The following DNAI4 variants were observed in gnomAD, a reference collection of about 807,000 sequenced individuals.
DNAI4 encodes WD repeat domain 78.
A neutral mutation model predicts 105.8 loss-of-function variants in DNAI4; 85 were observed. The observed-to-expected ratio is 0.80, with a 90% CI of 0.67 to 0.96. DNAI4 has a LOEUF of 0.96. Ranked by LOEUF, DNAI4 falls within the 40% of genes least tolerant of loss-of-function variation. The probability of loss-of-function intolerance (pLI) is 0.00; values close to 1 mark genes in which losing one functional copy is unlikely to be tolerated. For synonymous variants in DNAI4, 352 were observed against 331.5 expected (o/e 1.06, Z -0.67); for missense variants, 1,014 against 1,005.6 (o/e 1.01, Z -0.11).
Position 66,835,829 on chromosome 1 carries a change from G to A in DNAI4, c.1582-52C>T. 3 of 1,541,768 alleles carry A rather than the reference G, an allele frequency of 1.9e-6. No homozygotes were observed. The South Asian group carries it at 3.4e-5, about 17-fold the overall frequency. ...ATTTGTTTTTGTAGACCACAGTAAG[G>A]CAGAATATAATGGTGGCTGAGATTT... On this transcript the variant is annotated intron_variant, in intron 10 of 16. Transcript: ENST00000371026.
intron 8 of DNAI4, among the ~76,000 whole-genome samples, chr1:66,842,191 G>A (rs1271439174): frequency 6.6e-6 from 1 of 152,106 alleles, no homozygotes; most frequent in Non-Finnish European, 1.5e-5. Flanking sequence ...TCCATTGTCT[G>A]GATGTATCAT....
intron 4 of DNAI4, among the ~76,000 whole-genome samples, chr1:66,885,451 G>T (rs186108322): frequency 2.0e-5 from 3 of 152,234 alleles, no homozygotes; most frequent in Admixed American, 1.3e-4. Context: ...AATTTTTCTG[G>T]ATATAGAATT....
At chr1:66,840,355 T>C in intron 9 of DNAI4, 114 bp downstream of exon 9, 1 of 973,236 alleles carries the variant, frequency 1.0e-6, no homozygotes, top group Non-Finnish European at 1.5e-6. Flanking sequence ...CTCAAAGTTA[T>C]GGTCAATTTA....
chr1:66,842,335 A>G (rs952099120), intron 8 of DNAI4, among the ~76,000 whole-genome samples: 5 of 152,154 alleles, frequency 3.3e-5, no homozygotes, highest in Non-Finnish European at 7.4e-5. Flanking sequence ...TAGTTAATCA[A>G]CAGGAGTGAT....
chr1:66,889,273 G>T (rs1647390177), intron 4 of DNAI4, among the ~76,000 whole-genome samples: 1 of 152,170 alleles, frequency 6.6e-6, no homozygotes, highest in Admixed American at 6.5e-5. Context: ...AAGCGGAATG[G>T]CTTCTGGGAA....
At chr1:66,857,241 A>G (rs1318349404) in intron 7 of DNAI4, among the ~76,000 whole-genome samples, 1 of 150,354 alleles carries the variant, frequency 6.7e-6, no homozygotes, top group Non-Finnish European at 1.5e-5. Context: ...CAAGGAGAAA[A>G]AACCAAACAC....
rs182913774 is a variant in DNAI4, at chr1:66,816,418, T to C, written c.2497-2238A>G. 4.6e-3 allele frequency among the ~76,000 whole-genome samples: 700 copies of C among 152,204 alleles called. 6 individuals carry two copies. The highest frequency in any genetic ancestry group is 0.016 in the African/African-American group (658 of 41,548). On this transcript the variant is annotated intron_variant, in intron 16 of 16. Coordinates refer to ENST00000371026, the MANE Select transcript of DNAI4 (RefSeq NM_024763.5). ...AATGAAAAAATTATAGGTCATAATG[T>C]TACTTGACAAGATATCTTGGTAGGA...
intron 4 of DNAI4, among the ~76,000 whole-genome samples, chr1:66,888,405 C>T (rs367898093): frequency 6.6e-6 from 1 of 152,202 alleles, no homozygotes; most frequent in Admixed American, 6.5e-5. Context: ...TTGGAATTCA[C>T]CAGCAACGGC....
chr1:66,823,060 C>G (rs1645668085), intron 15 of DNAI4, among the ~76,000 whole-genome samples: 1 of 151,106 alleles, frequency 6.6e-6, no homozygotes, highest in South Asian at 2.1e-4. Context: ...CCTCCCCACT[C>G]CCCCCACCCC....
intron 13 of DNAI4, 42 bp from the exon 14 acceptor site, chr1:66,827,952 T>C: frequency 8.0e-7 from 1 of 1,252,906 alleles, no homozygotes; most frequent in Non-Finnish European, 1.1e-6. Context: ...TGTGATACAT[T>C]AGTAAGTGTG....
chr1:66,833,610 C>A lies in DNAI4; in HGVS notation c.1988G>T (p.Gly663Val). 6.2e-7 allele frequency: 1 copy of A among 1,613,336 alleles called. No homozygotes were observed. Among genetic ancestry groups the A allele is most frequent in the Non-Finnish European group, 8.5e-7 (1 of 1,179,548 alleles). Residue 663 changes from glycine (G) to valine (V), a missense_variant, in exon 13 of 17, where the codon GGA becomes GTA. By Grantham distance (109) the Gly-to-Val change is moderately radical. Coordinates refer to ENST00000371026, the MANE Select transcript of DNAI4 (RefSeq NM_024763.5). ...CTTGGGATGAAAAGCAAAACACATT[C>A]CAGGAGCCTGTCGAGATATCAAAGC... ...DEALISRQAP[G>V]MCFAFHPKDT...
rs1645451185 is a variant in DNAI4 at position 66,813,241 on chromosome 1, T to C, written c.*889A>G. 1 of 152,322 alleles carries C rather than the reference T, an allele frequency of 6.6e-6. No homozygotes were observed. Among genetic ancestry groups the C allele is most frequent in the Admixed American group, 6.6e-5 (1 of 15,264 alleles). The allele number at this position is 152,322 out of a possible 1,614,324, so 9.4% of individuals were successfully genotyped here. ...TTAGAATGCTTTATAGAACAGCCCATCATGTCCTGTGGCCTCAGTTTAACC... is the reference window on the plus strand; with the variant it reads ...TTAGAATGCTTTATAGAACAGCCCACCATGTCCTGTGGCCTCAGTTTAACC... On this transcript the variant is annotated 3_prime_UTR_variant, in exon 17 of 17. Transcript: ENST00000371026.
At position 66,891,206 on chromosome 1, in the gene DNAI4, T is replaced by G. The variant is rs746358284; in HGVS notation, c.591A>C (p.Ala197=). ...KSSVSASESI[A]EDLEEPSYKR... is the part of the protein sequence containing the mutation. ...TATAGGATGGTTCTTCCAGGTCTTC[T>G]GCTATTGATTCACTTGCTGATACAC... The change falls in exon 4 of 17, where the codon GCA becomes GCC. Residue 197 remains alanine, a synonymous_variant. Transcript: ENST00000371026. 3 of 1,613,842 alleles carry G rather than the reference T, an allele frequency of 1.9e-6. No homozygotes were observed. Among genetic ancestry groups the G allele is most frequent in the Non-Finnish European group, 2.5e-6 (3 of 1,179,968 alleles).
rs1647487813 is a variant in DNAI4, at chr1:66,890,340, T to C, written c.643+814A>G. On this transcript the variant is annotated intron_variant, in intron 4 of 16. Transcript: ENST00000371026. This position sits in a 1 kb window ranked among gnomAD's most constrained non-coding sequence, Gnocchi z 4.1. ...GGCCAGGCACAGTGGCTCAGGCCTG[T>C]AATCCCAGCACTTTGGGAGGCTGAG... 6.5e-6 allele frequency: 1 copy of C among 152,898 alleles called. No individual in the cohort carries two copies. Among genetic ancestry groups the C allele is most frequent in the African/African-American group, 2.4e-5 (1 of 41,402 alleles). The allele number at this position is 152,898 out of a possible 1,614,324, so 9.5% of individuals were successfully genotyped here.
chr1:66,918,851 ACTAAG>A (rs2100897537), intron 1 of DNAI4, among the ~76,000 whole-genome samples: 1 of 152,336 alleles, frequency 6.6e-6, no homozygotes, highest in African/African-American at 2.4e-5. Flanking sequence ...CCCCAAAATT[ACTAAG>A]CTAAGGGAGA....
At chr1:66,814,505 A>T (rs1053846429) in intron 16 of DNAI4, among the ~76,000 whole-genome samples, 1 of 152,054 alleles carries the variant, frequency 6.6e-6, no homozygotes, top group African/African-American at 2.4e-5. Context: ...AGTGGCTGGG[A>T]CTACAGGCAC....
At chr1:66,913,172 G>A (rs1649787976) in intron 1 of DNAI4, among the ~76,000 whole-genome samples, 1 of 152,118 alleles carries the variant, frequency 6.6e-6, no homozygotes, top group Non-Finnish European at 1.5e-5. Flanking sequence ...CCATCCCTAG[G>A]TAAGTAACTG....
chr1:66,866,348 A>T (rs900941230), intron 6 of DNAI4, among the ~76,000 whole-genome samples: 2 of 152,098 alleles, frequency 1.3e-5, no homozygotes, highest in African/African-American at 2.4e-5. Context: ...TGCAAGCTAG[A>T]TGCAGAAAAG....
chr1:66,816,851 C>G (rs191773289), intron 16 of DNAI4, among the ~76,000 whole-genome samples: 3 of 151,262 alleles, frequency 2.0e-5, no homozygotes, highest in African/African-American at 7.3e-5. Context: ...TAAAAGATTG[C>G]ATAACCAATT....
Sources: gnomAD v4.1 joint callset for allele counts (sites outside exome capture counted in the v4.1 genomes callset) on GRCh38, gnomAD v4.1.1 for gene constraint, Gnocchi (gnomAD v3.1) non-coding constraint, MANE v1.5 for transcripts, NCBI Gene and HGNC (gene_info 2026-07-23, HGNC 2026-07-21) for gene names.